CSMD1: variants seen among roughly 807,000 people sequenced by gnomAD.
CSMD1 encodes the protein CUB and Sushi multiple domains 1, also known as CUB and sushi domain-containing protein 1.
CSMD1 carries 213 observed loss-of-function variants against 417.5 expected under a neutral mutation model. That is an observed-to-expected ratio of 0.51 (90% CI 0.46 to 0.57). The LOEUF (loss-of-function observed/expected upper bound fraction) is 0.57. Ranked by LOEUF, CSMD1 falls within the 20% of genes least tolerant of loss-of-function variation. The pLI is 0.00. For synonymous variants in CSMD1, 2,862 were observed against 1,736.8 expected, an observed-to-expected ratio of 1.65 and a Z score of -16.11; for missense variants, 6,923 against 4,529.7, an observed-to-expected ratio of 1.53 and a Z score of -15.17.
intron 5 of CSMD1, among the ~76,000 whole-genome samples, chr8:3,789,717 T>C (rs1319883795): frequency 6.9e-6 from 1 of 145,124 alleles, no homozygotes; most frequent in African/African-American, 2.6e-5. Context: ...GTTAAAATGA[T>C]CATGGTTAAT....
At chr8:4,273,848 G>C (rs569924910) in intron 3 of CSMD1, among the ~76,000 whole-genome samples, 2 of 152,280 alleles carry the variant, frequency 1.3e-5, no homozygotes, top group African/African-American at 4.8e-5. Flanking sequence ...AAGGTGAAAT[G>C]ATATAACATA....
chr8:4,727,549 G>A (rs969275943), intron 1 of CSMD1, among the ~76,000 whole-genome samples: 3 of 152,078 alleles, frequency 2.0e-5, no homozygotes, highest in South Asian at 2.1e-4. Context: ...AAGAAAAATG[G>A]TGCAGAACTC....
chr8:3,616,902 A>C (rs556955032), intron 7 of CSMD1, 105 bp from the exon 8 acceptor site: 4 of 685,952 alleles, frequency 5.8e-6, no homozygotes, highest in Non-Finnish European at 9.8e-6. Flanking sequence ...ATAATGACTT[A>C]AAATGTGATC....
chr8:4,137,180 A>G (rs1036475033), intron 3 of CSMD1, among the ~76,000 whole-genome samples: 5 of 152,204 alleles, frequency 3.3e-5, no homozygotes, highest in African/African-American at 9.6e-5. Flanking sequence ...CTCCTACCTA[A>G]TAGCATTAGC....
rs145867547 is a variant in CSMD1 at position 4,165,081 on chromosome 8, A to C, written c.416-132982T>G. ...TAGACAGTGAAGTTTAGGTGGGTAC[A>C]GATGTGTGTTTAGAGAAACTAAGAA... On this transcript the variant is annotated intron_variant, in intron 3 of 69. Transcript: ENST00000635120. Among the ~76,000 whole-genome samples, 1,102 of 152,202 alleles carry C rather than the reference A, an allele frequency of 7.2e-3. 14 individuals are homozygous for C. The highest frequency in any genetic ancestry group is 0.026 in the African/African-American group (1,064 of 41,512).
At position 4,795,252 on chromosome 8, in the gene CSMD1, C is replaced by CTTTTTTTTTTTTTTTTTTTTTTTTT. The variant is rs571984359; in HGVS notation, c.86-157719_86-157695dup. 1.3e-4 allele frequency among the ~76,000 whole-genome samples: 6 copies of CTTTTTTTTTTTTTTTTTTTTTTTTT among 46,252 alleles called. 1 individual carries two copies. The highest frequency in any genetic ancestry group is 1.4e-3 in the East Asian group (2 of 1,386). The allele number at this position is 46,252 out of a possible 152,430, so 30.3% of individuals were successfully genotyped here. On this transcript the variant is annotated intron_variant, in intron 1 of 69. Coordinates refer to ENST00000635120, the MANE Select transcript of CSMD1 (RefSeq NM_033225.6). ...ATTTCTAGGTCTGCTGGTGTCATAG[C>CTTTTTTTTTTTTTTTTTTTTTTTTT]TTTTTTTTTTTTTTTTTTTTTTTTT...
At chr8:3,736,256 G>A (rs1293097179) in intron 6 of CSMD1, among the ~76,000 whole-genome samples, 1 of 151,552 alleles carries the variant, frequency 6.6e-6, no homozygotes, top group Admixed American at 6.6e-5. Context: ...GTTTTGTTTT[G>A]TTTTTGACAG....
chr8:4,142,747 G>T (rs1803867114), intron 3 of CSMD1, among the ~76,000 whole-genome samples: 1 of 150,974 alleles, frequency 6.6e-6, no homozygotes. Context: ...AGATTACATT[G>T]AACTTGCCAA....
At chr8:4,526,902 T>C (rs1796542581) in intron 2 of CSMD1, among the ~76,000 whole-genome samples, 2 of 152,256 alleles carry the variant, frequency 1.3e-5, no homozygotes, top group South Asian at 2.1e-4. Flanking sequence ...TTGTGAATGA[T>C]CAAACATGAC....
intron 5 of CSMD1, among the ~76,000 whole-genome samples, chr8:3,926,630 C>A (rs945045613): frequency 4.0e-5 from 6 of 149,546 alleles, no homozygotes; most frequent in Non-Finnish European, 7.4e-5. Flanking sequence ...TTATGAAAAG[C>A]ATATTATTAG....
At chr8:3,980,191 A>C (rs1016205451) in intron 5 of CSMD1, among the ~76,000 whole-genome samples, 2 of 152,218 alleles carry the variant, frequency 1.3e-5, no homozygotes, top group African/African-American at 4.8e-5. Context: ...ATCACTTTTC[A>C]CAATCAAAAT....
chr8:4,044,481 G>T (rs934281221), intron 3 of CSMD1, among the ~76,000 whole-genome samples: 1 of 152,168 alleles, frequency 6.6e-6, no homozygotes. Flanking sequence ...TCACATCTCA[G>T]GGGACCAGCG....
At chr8:4,524,400 C>T (rs1293383602) in intron 2 of CSMD1, among the ~76,000 whole-genome samples, 1 of 152,020 alleles carries the variant, frequency 6.6e-6, no homozygotes, top group Non-Finnish European at 1.5e-5. Flanking sequence ...AGAAAATATA[C>T]ACTAGTATTC....
At chr8:4,451,095 G>A (rs954514064) in intron 2 of CSMD1, among the ~76,000 whole-genome samples, 1 of 152,162 alleles carries the variant, frequency 6.6e-6, no homozygotes, top group Non-Finnish European at 1.5e-5. Context: ...GGAGGCCAAG[G>A]CAGGAGGATT....
intron 49 of CSMD1, among the ~76,000 whole-genome samples, chr8:3,079,928 C>T (rs148876164): frequency 1.4e-3 from 215 of 152,296 alleles, no homozygotes; most frequent in African/African-American, 4.6e-3. Context: ...GCACCAGTTC[C>T]GTCCTTGGCC....
At chr8:4,720,271 T>A (rs1319088264) in intron 1 of CSMD1, among the ~76,000 whole-genome samples, 3 of 151,882 alleles carry the variant, frequency 2.0e-5, no homozygotes, top group Non-Finnish European at 4.4e-5. Flanking sequence ...GTTGGAAAAA[T>A]TTTTCCAAAT....
At chr8:4,649,465 C>G (rs1431036248) in intron 1 of CSMD1, among the ~76,000 whole-genome samples, 2 of 152,164 alleles carry the variant, frequency 1.3e-5, no homozygotes, top group African/African-American at 4.8e-5. Flanking sequence ...TCCAAAGCCA[C>G]ATATACAAAG....
At chr8:3,813,959 C>T (rs533202875) in intron 5 of CSMD1, among the ~76,000 whole-genome samples, 1 of 152,034 alleles carries the variant, frequency 6.6e-6, no homozygotes, top group Non-Finnish European at 1.5e-5. Context: ...AATGTAAGAC[C>T]CTGAAATATG....
chr8:4,280,486 C>A (rs1237428022), intron 3 of CSMD1, among the ~76,000 whole-genome samples: 1 of 152,180 alleles, frequency 6.6e-6, no homozygotes, highest in Non-Finnish European at 1.5e-5. Flanking sequence ...GTATATCCTC[C>A]ACATTTCACA....
Sources: gnomAD v4.1 joint callset for allele counts (sites outside exome capture counted in the v4.1 genomes callset) on GRCh38, gnomAD v4.1.1 for gene constraint, MANE v1.5 for transcripts, NCBI Gene and HGNC (gene_info 2026-07-23, HGNC 2026-07-21) for gene names.